The following PCDHA5 variants were observed in gnomAD, a reference collection of about 807,000 sequenced individuals.
The protein encoded by PCDHA5 is protocadherin alpha 5, also known as protocadherin alpha-5.
Under a neutral mutation model 61.6 loss-of-function variants are expected in PCDHA5, and 43 were observed. That is an observed-to-expected ratio of 0.70 (90% CI 0.55 to 0.90). The LOEUF (loss-of-function observed/expected upper bound fraction) is 0.90, where lower values mean the gene tolerates loss of function less well. PCDHA5 is among the 40% of genes least tolerant of loss of function. The pLI is 0.00. For synonymous variants in PCDHA5, 627 were observed against 543.9 expected (o/e 1.15, Z -2.13); for missense variants, 1,298 against 1,222.7 (o/e 1.06, Z -0.92).
chr5:140,952,608 C>T (rs2153696668), intron 1 of PCDHA5, among the ~76,000 whole-genome samples: 1 of 152,282 alleles, frequency 6.6e-6, no homozygotes, highest in Non-Finnish European at 1.5e-5. Flanking sequence ...TCTAAGCTCT[C>T]CCTCATCTTC....
chr5:140,961,716 G>A (rs2095631233), intron 1 of PCDHA5, among the ~76,000 whole-genome samples: 1 of 152,082 alleles, frequency 6.6e-6, no homozygotes, highest in African/African-American at 2.4e-5. Flanking sequence ...TCATTTCTAA[G>A]TGCTCATAAA....
chr5:141,000,292 T>C (rs2097899521), intron 3 of PCDHA5, among the ~76,000 whole-genome samples: 1 of 149,730 alleles, frequency 6.7e-6, no homozygotes, highest in Non-Finnish European at 1.5e-5. Flanking sequence ...GGAATATTGC[T>C]TGAGGCCAGG....
chr5:140,834,445 T>C (rs1773005004), intron 1 of PCDHA5: 2 of 1,613,974 alleles, frequency 1.2e-6, no homozygotes, highest in African/African-American at 1.3e-5. Context: ...ATTATAATTC[T>C]AGCAGCTTGG....
intron 1 of PCDHA5, chr5:140,863,161 C>T (rs1554157875): frequency 3.1e-6 from 2 of 650,330 alleles, no homozygotes; most frequent in East Asian, 4.4e-5. Flanking sequence ...CCACTGCGAG[C>T]TGGCGCTGAC....
At chr5:140,872,418 A>G (rs2053650259) in intron 1 of PCDHA5, among the ~76,000 whole-genome samples, 2 of 152,014 alleles carry the variant, frequency 1.3e-5, no homozygotes, top group East Asian at 3.9e-4. Flanking sequence ...CTTGAGCCCA[A>G]GAGTTCGAGG....
intron 1 of PCDHA5, chr5:140,968,340 A>G: frequency 6.2e-7 from 1 of 1,614,136 alleles, no homozygotes; most frequent in African/African-American, 1.3e-5. Context: ...GTCTCCATTA[A>G]CAGTGCCAGT....
At chr5:140,833,265 A>T (rs1554133806) in intron 1 of PCDHA5, among the ~76,000 whole-genome samples, 1 of 152,214 alleles carries the variant, frequency 6.6e-6, no homozygotes, top group East Asian at 1.9e-4. Context: ...AGCAGCAATT[A>T]TAAAAACTTA....
chr5:140,825,441 A>T, intron 1 of PCDHA5: 1 of 147,966 alleles, frequency 6.8e-6, no homozygotes, highest in Non-Finnish European at 1.5e-5. Flanking sequence ...ATATAATAAT[A>T]ATATATATCA....
chr5:140,852,802 T>G (rs2042479585), intron 1 of PCDHA5: 1 of 976,830 alleles, frequency 1.0e-6, no homozygotes, highest in Admixed American at 6.3e-5. Context: ...CAGATGTCAT[T>G]TGTCTCCCGC....
chr5:140,950,278 G>A (rs2094467824), intron 1 of PCDHA5, among the ~76,000 whole-genome samples: 1 of 151,868 alleles, frequency 6.6e-6, no homozygotes, highest in African/African-American at 2.4e-5. Context: ...ATGTCTTTTT[G>A]CTTCAACCTG....
In PCDHA5 at chr5:140,996,798, A is replaced by G. The variant is rs528740592; in HGVS notation, c.2501-12829A>G. Among the ~76,000 whole-genome samples, 4 of 152,268 alleles carry G rather than the reference A, an allele frequency of 2.6e-5. No individual in the cohort carries two copies. In the East Asian group the frequency reaches 5.8e-4, roughly 22 times the overall value. ...AGTAGTGCCTCACTCCCTACATCCA[A>G]TCATGCTTTCCAAAAGTAACCACTA... On this transcript the variant is annotated intron_variant, in intron 3 of 3. Coordinates refer to ENST00000529859, the MANE Select transcript of PCDHA5 (RefSeq NM_018908.3).
In PCDHA5 at chr5:140,916,964, T is replaced by C. The variant is rs139574694; in HGVS notation, c.2353-61985T>C. On this transcript the variant is annotated intron_variant, in intron 1 of 3. Transcript: ENST00000529859. The stretch of plus-strand genomic sequence containing the variant: ...GTGAGGCTTGCTGAGTTCTGACTGC[T>C]GGGATGAGTGATTCGCCTCTGGCCA... Among the ~76,000 whole-genome samples, 15 of 152,322 alleles carry C rather than the reference T, an allele frequency of 9.8e-5. No individual in the cohort carries two copies. In the East Asian group the frequency reaches 2.9e-3, roughly 29 times the overall value.
rs1554262808 is a variant in PCDHA5, at chr5:141,010,232, A to T, written c.*295A>T. On this transcript the variant is annotated 3_prime_UTR_variant, in exon 4 of 4. Coordinates refer to ENST00000529859, the MANE Select transcript of PCDHA5 (RefSeq NM_018908.3). ...AAAGGAGAGGCTTCCCAGCCCCGCC[A>T]GTGAGAGGTTGGACTCTCTGCCCTG... 6.4e-7 allele frequency: 1 copy of T among 1,551,952 alleles called. No homozygotes were observed. The highest frequency in any genetic ancestry group is 2.0e-5 in the Admixed American group (1 of 51,018).
intron 1 of PCDHA5, chr5:140,866,765 C>G (rs1053050045): frequency 6.6e-6 from 1 of 152,122 alleles, no homozygotes; most frequent in Non-Finnish European, 1.5e-5. Context: ...GACATACAGG[C>G]AGATTGTATG....
At chr5:140,841,417 C>A (rs1242106171) in intron 1 of PCDHA5, 5 of 1,612,932 alleles carry the variant, frequency 3.1e-6, no homozygotes, top group Non-Finnish European at 4.2e-6. Flanking sequence ...GCCAGCTCCA[C>A]TACTCCGTCC....
At chr5:140,842,956 G>A in intron 1 of PCDHA5, 1 of 1,594,910 alleles carries the variant, frequency 6.3e-7, no homozygotes, top group Non-Finnish European at 8.6e-7. Flanking sequence ...TGCCGCCTCT[G>A]GGCAGCAACG....
At chr5:140,837,511 G>A (rs1335097431) in intron 1 of PCDHA5, among the ~76,000 whole-genome samples, 2 of 96,626 alleles carry the variant, frequency 2.1e-5, no homozygotes, top group Non-Finnish European at 4.1e-5. Context: ...TTCTGAAGCA[G>A]TTTACTTTTT....
intron 1 of PCDHA5, chr5:140,967,577 C>G (rs141338011): frequency 1.2e-6 from 2 of 1,614,016 alleles, no homozygotes; most frequent in Non-Finnish European, 1.7e-6. Flanking sequence ...GGAGGACTCA[C>G]CCCCAGGCAC....
chr5:140,870,774 G>GAACGAC (rs781868424), intron 1 of PCDHA5: 1 of 1,613,632 alleles, frequency 6.2e-7, no homozygotes, highest in South Asian at 1.1e-5. Context: ...TGCTGGACGA[G>GAACGAC]AACGACAACG....
Sources: gnomAD v4.1 joint callset for allele counts (sites outside exome capture counted in the v4.1 genomes callset) on GRCh38, gnomAD v4.1.1 for gene constraint, MANE v1.5 for transcripts, NCBI Gene and HGNC (gene_info 2026-07-23, HGNC 2026-07-21) for gene names.